NR2F1-AS1: variants seen among roughly 807,000 people sequenced by gnomAD.
The protein encoded by NR2F1-AS1 is NR2F1 regulatory antisense RNA 1.
chr5:93,428,782 A>G (rs1301242808), intron 4 of NR2F1-AS1, among the ~76,000 whole-genome samples: 1 of 152,208 alleles, frequency 6.6e-6, no homozygotes, highest in Non-Finnish European at 1.5e-5. Flanking sequence ...TAAACCCTAT[A>G]CTTGCATTGA....
chr5:93,576,745 C>T (rs1701356113), intron 1 of NR2F1-AS1, among the ~76,000 whole-genome samples: 1 of 152,132 alleles, frequency 6.6e-6, no homozygotes, highest in Admixed American at 6.5e-5. Flanking sequence ...ATGGGCTAAT[C>T]CTGTAGTAGA....
chr5:93,486,733 C>T (rs935442783), intron 4 of NR2F1-AS1, among the ~76,000 whole-genome samples: 6 of 152,170 alleles, frequency 3.9e-5, no homozygotes, highest in African/African-American at 1.4e-4. Flanking sequence ...GGACTCCTCC[C>T]TAACTCATTT....
intron 4 of NR2F1-AS1, among the ~76,000 whole-genome samples, chr5:93,552,633 T>A (rs1195507746): frequency 2.8e-5 from 4 of 142,878 alleles, no homozygotes; most frequent in African/African-American, 7.9e-5. Context: ...GATTTGTTTA[T>A]ACTGTAAAGA....
At position 93,558,377 on chromosome 5, in the gene NR2F1-AS1, G is replaced by A. The variant is rs534200989; in HGVS notation, n.414-3382C>T. Among the ~76,000 whole-genome samples the A allele has an allele frequency of 4.0e-5, 6 of 150,526 alleles. No homozygotes were observed. The East Asian group carries it at 1.2e-3, about 29-fold the overall frequency. ...GCTCTATCGCCCAGGCTGGAGTGCA[G>A]TGGTGCAATCTCGGCTCACTGCAAC... is the stretch of plus-strand genomic sequence containing the variant. On this transcript the variant is annotated intron_variant and non_coding_transcript_variant, in intron 2 of 5. Coordinates refer to ENST00000660523, the Ensembl canonical transcript of NR2F1-AS1.
chr5:93,494,016 T>C (rs1188322227), intron 4 of NR2F1-AS1, among the ~76,000 whole-genome samples: 1 of 152,156 alleles, frequency 6.6e-6, no homozygotes, highest in African/African-American at 2.4e-5. Flanking sequence ...AAAATTAAAA[T>C]ATTTGTGTAT....
At chr5:93,505,021 C>T (rs1361219784) in intron 4 of NR2F1-AS1, among the ~76,000 whole-genome samples, 2 of 152,164 alleles carry the variant, frequency 1.3e-5, no homozygotes, top group African/African-American at 4.8e-5. Flanking sequence ...TCCCTTCCGC[C>T]TATAAGCCTG....
At chr5:93,455,894 C>A (rs988218008) in intron 4 of NR2F1-AS1, among the ~76,000 whole-genome samples, 1 of 151,804 alleles carries the variant, frequency 6.6e-6, no homozygotes, top group African/African-American at 2.4e-5. Context: ...AAGCATCTGA[C>A]AAAATCCAAC....
chr5:93,529,184 G>A (rs975375536), intron 4 of NR2F1-AS1, among the ~76,000 whole-genome samples: 1 of 152,116 alleles, frequency 6.6e-6, no homozygotes, highest in Non-Finnish European at 1.5e-5. Flanking sequence ...GCAAATGACA[G>A]TTGGTAAAGC....
upstream of NR2F1-AS1, chr5:93,584,594 A>G (rs1224806165): frequency 7.2e-6 from 1 of 138,222 alleles, no homozygotes; most frequent in Non-Finnish European, 1.6e-5. Flanking sequence ...AGAAGAAAAA[A>G]GCGAGAGAAG....
chr5:93,516,402 A>G (rs1008568886), intron 4 of NR2F1-AS1, among the ~76,000 whole-genome samples: 1 of 151,890 alleles, frequency 6.6e-6, no homozygotes, highest in Non-Finnish European at 1.5e-5. Flanking sequence ...TCTCATATTA[A>G]TGTAAAAAGA....
At chr5:93,532,366 C>G (rs1227701345) in intron 4 of NR2F1-AS1, among the ~76,000 whole-genome samples, 3 of 150,962 alleles carry the variant, frequency 2.0e-5, no homozygotes, top group Non-Finnish European at 4.4e-5. Context: ...TATAAAATTC[C>G]TTGCATTTTT....
intron 4 of NR2F1-AS1, among the ~76,000 whole-genome samples, chr5:93,528,042 C>T (rs1185023387): frequency 6.6e-6 from 1 of 152,146 alleles, no homozygotes; most frequent in Non-Finnish European, 1.5e-5. Flanking sequence ...AAGAAACTAT[C>T]ATCAGAGTTA....
intron 4 of NR2F1-AS1, among the ~76,000 whole-genome samples, chr5:93,450,385 A>G (rs1749801006): frequency 6.6e-6 from 1 of 152,184 alleles, no homozygotes; most frequent in Non-Finnish European, 1.5e-5. Context: ...ATTTCGTTTT[A>G]TAACATTTTG....
At chr5:93,536,767 T>C (rs1237637562) in intron 4 of NR2F1-AS1, among the ~76,000 whole-genome samples, 2 of 152,216 alleles carry the variant, frequency 1.3e-5, no homozygotes, top group Non-Finnish European at 2.9e-5. Context: ...CTACCTCTCA[T>C]TGATATGGTT....
intron 4 of NR2F1-AS1, among the ~76,000 whole-genome samples, chr5:93,541,645 T>A (rs12187239): frequency 0.1 from 15,502 of 152,028 alleles, 865 homozygotes; most frequent in Middle Eastern, 0.16. Flanking sequence ...AATTTGAACA[T>A]CAGCACCATT....
At chr5:93,418,255 C>T (rs1749009174) in intron 4 of NR2F1-AS1, among the ~76,000 whole-genome samples, 1 of 152,136 alleles carries the variant, frequency 6.6e-6, no homozygotes, top group African/African-American at 2.4e-5. Context: ...TTGAGGTTTG[C>T]AGTTTTGGAC....
intron 4 of NR2F1-AS1, among the ~76,000 whole-genome samples, chr5:93,546,724 A>G (rs1027949815): frequency 1.3e-5 from 2 of 152,146 alleles, no homozygotes; most frequent in African/African-American, 4.8e-5. Context: ...TGACAGTTTG[A>G]CACTAGCCAT....
intron 4 of NR2F1-AS1, among the ~76,000 whole-genome samples, chr5:93,501,760 G>A (rs1302905511): frequency 6.6e-6 from 1 of 152,158 alleles, no homozygotes; most frequent in Non-Finnish European, 1.5e-5. Context: ...CATAAACTTA[G>A]TTGATAAAGC....
chr5:93,585,070 C>A, upstream of NR2F1-AS1: 1 of 1,032,396 alleles, frequency 9.7e-7, no homozygotes, highest in Non-Finnish European at 1.2e-6. Context: ...GACGACGTGG[C>A]CGGGGGCAAC....
Sources: allele counts gnomAD v4.1 joint callset (sites outside exome capture counted in the v4.1 genomes callset), GRCh38; gene constraint gnomAD v4.1.1; transcripts MANE v1.5; gene names NCBI Gene and HGNC (gene_info 2026-07-23, HGNC 2026-07-21).